The following PIGN variants were observed in gnomAD, a reference collection of about 807,000 sequenced individuals.
The protein encoded by PIGN is GPI ethanolamine phosphate transferase 1.
Under a neutral mutation model 125.4 loss-of-function variants are expected in PIGN, and 117 were observed. The ratio of observed to expected loss-of-function variants is 0.93; its 90% CI spans 0.80 to 1.09. The LOEUF is 1.09. Among genes scored for constraint, PIGN ranks in the 50% least tolerant of loss-of-function variants. The pLI is 0.00. For synonymous variants in PIGN, 392 were observed against 377.8 expected, an observed-to-expected ratio of 1.04 and a Z score of -0.44; for missense variants, 1,075 against 1,094.9, an observed-to-expected ratio of 0.98 and a Z score of 0.26.
rs767550839 is a variant in PIGN at position 62,154,621 on chromosome 18, C to T, written c.473G>A (p.Ser158Asn). ...AAAATCCTCTCTTTTAGCATCATAACTATATGTATAAACGTGGTCTCCACT... is the reference window on the plus strand; with the variant it reads ...AAAATCCTCTCTTTTAGCATCATAATTATATGTATAAACGTGGTCTCCACT... ...GASGDHVYTY[S>N]YDAKREDFGA... The change falls in exon 7 of 31, where the codon AGT becomes AAT. Residue 158 changes from serine (S) to asparagine (N), a missense_variant. Ser to Asn is a conservative substitution (Grantham distance 46, BLOSUM62 1). Transcript: ENST00000640252. 2.5e-5 allele frequency: 39 copies of T among 1,574,724 alleles called. No homozygotes were observed. Among genetic ancestry groups the T allele is most frequent in the Non-Finnish European group, 3.4e-5 (39 of 1,146,090 alleles).
At position 62,105,675 on chromosome 18, in the gene PIGN, T is replaced by C. The variant is rs371696740; in HGVS notation, c.1768-41A>G. 82 of 1,173,804 alleles carry C rather than the reference T, an allele frequency of 7.0e-5. 1 individual carries two copies. The Middle Eastern group carries it at 1.4e-3, about 19-fold the overall frequency. 72.7% of individuals were successfully genotyped at this position (1,173,804 alleles called of 1,614,324 possible). ...AAGTTATCTTTAGACAAATATGGTA[T>C]AGAAAACTATCATTAGTGTTTCACA... On this transcript the variant is annotated intron_variant, in intron 19 of 30. Transcript: ENST00000640252.
intron 10 of PIGN, among the ~76,000 whole-genome samples, chr18:62,145,177 T>C (rs900099521): frequency 4.6e-5 from 7 of 152,160 alleles, no homozygotes; most frequent in Non-Finnish European, 1.0e-4. Flanking sequence ...ATCTCAAAGA[T>C]ATGTAGTAGA....
rs1400402436 is a variant in PIGN at position 62,109,884 on chromosome 18, A to G, written c.1524T>C (p.Tyr508=). ...GCAGTGGCAACAAACCATATACATA[A>G]TATGTCCAGGGACAGGCTTGAATCA... ...FLLIQACPWT[Y]YVYGLLPLPI... The change falls in exon 17 of 31, where the codon TAT becomes TAC. Residue 508 remains tyrosine (Y), a synonymous_variant. Coordinates refer to ENST00000640252, the MANE Select transcript of PIGN (RefSeq NM_176787.5). 3 of 1,613,120 alleles carry G rather than the reference A, an allele frequency of 1.9e-6. No homozygotes were observed. The highest frequency in any genetic ancestry group is 1.7e-6 in the Non-Finnish European group (2 of 1,179,290).
intron 20 of PIGN, chr18:62,103,943 G>GT (rs1176148475): frequency 6.6e-6 from 1 of 152,134 alleles, no homozygotes; most frequent in East Asian, 1.9e-4. Flanking sequence ...TGGCAAATAT[G>GT]TTTTTACTTT....
chr18:62,042,079 G>A lies in PIGN; in HGVS notation c.*3777C>T, dbSNP rs2030400900. 1 of 152,162 alleles carries A rather than the reference G, an allele frequency of 6.6e-6. No individual in the cohort carries two copies. Among genetic ancestry groups the A allele is most frequent in the Non-Finnish European group, 1.5e-5 (1 of 68,068 alleles). The allele number at this position is 152,162 out of a possible 1,614,324, so 9.4% of individuals were successfully genotyped here. A position where few individuals can be genotyped will look rare whatever the true frequency, so the allele number is the denominator to read the frequency against. On this transcript the variant is annotated 3_prime_UTR_variant, in exon 31 of 31. Coordinates refer to ENST00000640252, the MANE Select transcript of PIGN (RefSeq NM_176787.5). ...CTCACGCCTGTAATCCCAGCACTTT[G>A]GGAGGCCGAGGCGGGTGAACTGCTT... is the stretch of plus-strand genomic sequence containing the variant.
intron 1 of PIGN, among the ~76,000 whole-genome samples, chr18:62,185,635 T>C (rs960567408): frequency 2.0e-4 from 6 of 30,734 alleles, no homozygotes; most frequent in African/African-American, 4.2e-4. Context: ...GTGGAATGTT[T>C]ACTACACACT....
chr18:62,140,516 G>A (rs938774991), intron 11 of PIGN, 37 bp from the exon 12 acceptor site: 3 of 1,072,954 alleles, frequency 2.8e-6, no homozygotes, highest in African/African-American at 3.2e-5. Flanking sequence ...GAAGTCTATG[G>A]ACATCAACAA....
chr18:62,148,381 T>G, intron 7 of PIGN, 43 bp from the exon 8 acceptor site: 3 of 1,298,932 alleles, frequency 2.3e-6, no homozygotes, highest in Non-Finnish European at 3.1e-6. Flanking sequence ...TTCATTTGTT[T>G]TATTTTAAAA....
intron 11 of PIGN, among the ~76,000 whole-genome samples, chr18:62,142,245 A>G (rs1430504310): frequency 6.6e-6 from 1 of 152,212 alleles, no homozygotes; most frequent in Non-Finnish European, 1.5e-5. Flanking sequence ...CAGACACATC[A>G]CAGTGTTAGT....
At chr18:62,131,170 A>G (rs1180768125) in intron 14 of PIGN, among the ~76,000 whole-genome samples, 1 of 152,092 alleles carries the variant, frequency 6.6e-6, no homozygotes, top group Non-Finnish European at 1.5e-5. Context: ...TATAAGAGAA[A>G]CCAAATACTG....
At chr18:62,160,844 G>A (rs1440601278) in intron 4 of PIGN, among the ~76,000 whole-genome samples, 4 of 152,140 alleles carry the variant, frequency 2.6e-5, no homozygotes, top group African/African-American at 2.4e-5. Flanking sequence ...ATAATATAGT[G>A]AGTCTTGAGC....
At chr18:62,093,418 G>A (rs1409567389) in intron 23 of PIGN, among the ~76,000 whole-genome samples, 4 of 151,974 alleles carry the variant, frequency 2.6e-5, no homozygotes, top group African/African-American at 9.7e-5. Flanking sequence ...GTCATCACCG[G>A]CTCAGGGAGA....
intron 23 of PIGN, among the ~76,000 whole-genome samples, chr18:62,094,980 A>G (rs571356571): frequency 8.5e-5 from 13 of 152,296 alleles, no homozygotes; most frequent in African/African-American, 2.9e-4. Flanking sequence ...ATTTTGAACT[A>G]TGACAACTAA....
chr18:62,153,479 C>T (rs2036610795), intron 7 of PIGN: 1 of 152,118 alleles, frequency 6.6e-6, no homozygotes, highest in African/African-American at 2.4e-5. Context: ...GAATCAATTC[C>T]ATGATTTTGG....
chr18:62,094,312 T>A (rs1367539707), intron 23 of PIGN, among the ~76,000 whole-genome samples: 1 of 152,130 alleles, frequency 6.6e-6, no homozygotes, highest in African/African-American at 2.4e-5. Context: ...TTAAATCTGT[T>A]TATTGCTTTA....
chr18:62,147,382 C>T (rs564284912), intron 8 of PIGN, among the ~76,000 whole-genome samples: 70 of 152,212 alleles, frequency 4.6e-4, no homozygotes, highest in Non-Finnish European at 7.8e-4. Context: ...AGATAGATGA[C>T]GTTCATGTCT....
At chr18:62,149,912 T>C (rs2036467596) in intron 7 of PIGN, among the ~76,000 whole-genome samples, 1 of 152,200 alleles carries the variant, frequency 6.6e-6, no homozygotes, top group Non-Finnish European at 1.5e-5. Flanking sequence ...GTTATTTTTT[T>C]CCATATTACA....
Position 62,072,701 on chromosome 18 carries a change from A to G in PIGN, c.2644T>C (p.Tyr882His), listed in dbSNP as rs2032950908. 2 of 1,604,728 alleles carry G rather than the reference A, an allele frequency of 1.2e-6. No homozygotes were observed. Among genetic ancestry groups the G allele is most frequent in the Non-Finnish European group, 1.7e-6 (2 of 1,176,182 alleles). ...ALHFFFLVKD[Y>H]GSWLDIGTSI... ...GTCCCAATATCAAGCCAGCTGCCAT[A>G]ATCCTTGACCAAGAAGAAAAAATGC... Residue 882 changes from tyrosine (Y) to histidine (H), a missense_variant, in exon 30 of 31, where the codon TAT (tyrosine) becomes CAT (histidine). This residue lies in a region of PIGN where 915 missense variants were observed against 908.7 expected (regional missense o/e 1.01). Transcript: ENST00000640252.
intron 20 of PIGN, 52 bp from the exon 21 acceptor site, chr18:62,102,954 A>T (rs755664227): frequency 2.0e-6 from 2 of 990,676 alleles, no homozygotes. Flanking sequence ...TTACGAACAC[A>T]TATCAGATGG....
Sources: allele counts gnomAD v4.1 joint callset (sites outside exome capture counted in the v4.1 genomes callset), GRCh38; gene constraint gnomAD v4.1.1; regional missense constraint gnomAD v4.1.1; transcripts MANE v1.5; gene names NCBI Gene and HGNC (gene_info 2026-07-23, HGNC 2026-07-21).